Variants in MAPDA observed in about 807,000 individuals in gnomAD.
MAPDA encodes the protein N6-Methyl-AMP deaminase.
chr15:43,330,546 A>G, the MAPDA span: 6 of 1,495,430 alleles, frequency 4.0e-6, no homozygotes, highest in Non-Finnish European at 5.3e-6. Context: ...CCCCTTGGTT[A>G]GCACACACCT....
chr15:43,335,117 G>A, the MAPDA span: 4 of 1,613,816 alleles, frequency 2.5e-6, no homozygotes, highest in South Asian at 1.1e-5. Context: ...AATGATAGAG[G>A]CAGAAGAGCA....
chr15:43,330,425 A>C, the MAPDA span: 1 of 1,562,374 alleles, frequency 6.4e-7, no homozygotes, highest in African/African-American at 1.4e-5. Context: ...ACGCTTGCTG[A>C]GGGCGCTGCT....
chr15:43,330,851 C>T, the MAPDA span: 1 of 186,982 alleles, frequency 5.3e-6, no homozygotes, highest in Non-Finnish European at 1.1e-5. Flanking sequence ...GTTGAGAAAT[C>T]TCTAAGAGGT....
At chr15:43,344,133 A>G in the MAPDA span, among the ~76,000 whole-genome samples, 6 of 152,272 alleles carry the variant, frequency 3.9e-5, no homozygotes, top group South Asian at 1.0e-3. Context: ...AAAGAGCAAT[A>G]TATGTCAAGA....
At chr15:43,346,327 G>A in the MAPDA span, among the ~76,000 whole-genome samples, 68,640 of 152,118 alleles carry the variant, frequency 0.45, 19,624 homozygotes, top group African/African-American at 0.81. Flanking sequence ...GGGCTTAACT[G>A]TCTCATAGAT....
the MAPDA span, chr15:43,340,234 T>C: frequency 1.9e-6 from 3 of 1,591,214 alleles, no homozygotes; most frequent in South Asian, 1.1e-5. Flanking sequence ...CCAAACATTA[T>C]CAATATTGTG....
chr15:43,336,514 A>T, the MAPDA span: 1 of 760,014 alleles, frequency 1.3e-6, no homozygotes, highest in Non-Finnish European at 2.0e-6. Flanking sequence ...TCTATTCTGT[A>T]GTTCTTTGTA....
chr15:43,334,638 TA>T, the MAPDA span, among the ~76,000 whole-genome samples: 2 of 50,572 alleles, frequency 4.0e-5, no homozygotes, highest in Non-Finnish European at 5.9e-5. Context: ...AAAAATTATA[TA>T]TATATATATA....
chr15:43,351,344 A>AT, the MAPDA span: 1 of 325,194 alleles, frequency 3.1e-6, no homozygotes, highest in African/African-American at 2.2e-5. Context: ...AAAAAAAAAA[A>AT]GGGACTGGGA....
chr15:43,350,275 T>C, the MAPDA span, among the ~76,000 whole-genome samples: 1 of 151,388 alleles, frequency 6.6e-6, no homozygotes, highest in African/African-American at 2.4e-5. Context: ...AGATGGGGTT[T>C]CACTGTGTTA....
chr15:43,331,061 G>A, the MAPDA span, among the ~76,000 whole-genome samples: 3 of 152,158 alleles, frequency 2.0e-5, no homozygotes. Context: ...AGTCACTAAG[G>A]CCAGGGTGCA....
chr15:43,332,786 AAGT>A, the MAPDA span, among the ~76,000 whole-genome samples: 3 of 152,100 alleles, frequency 2.0e-5, no homozygotes, highest in African/African-American at 7.2e-5. Context: ...AGCATGAAAA[AAGT>A]TCCCTGGGAG....
chr15:43,351,154 G>A, the MAPDA span: 1 of 1,069,866 alleles, frequency 9.3e-7, no homozygotes, highest in South Asian at 1.4e-5. Flanking sequence ...TGCCCAAGTA[G>A]AGGAGTTAGA....
chr15:43,341,736 CAGAG>C, the MAPDA span, among the ~76,000 whole-genome samples: 2 of 151,982 alleles, frequency 1.3e-5, no homozygotes, highest in African/African-American at 4.8e-5. Flanking sequence ...GCCTGAGCAA[CAGAG>C]AGAGACCTTA....
chr15:43,344,087 G>T, the MAPDA span, among the ~76,000 whole-genome samples: 2 of 152,002 alleles, frequency 1.3e-5, no homozygotes. Flanking sequence ...TTTAAATCCT[G>T]CACTGGTACA....
chr15:43,335,238 A>G, the MAPDA span: 1 of 1,557,196 alleles, frequency 6.4e-7, no homozygotes, highest in South Asian at 1.1e-5. Flanking sequence ...GCTTCTTTTC[A>G]TCAAAGTAAA....
the MAPDA span, among the ~76,000 whole-genome samples, chr15:43,334,400 G>T: frequency 6.6e-6 from 1 of 151,558 alleles, no homozygotes; most frequent in African/African-American, 2.4e-5. Flanking sequence ...GGCTGAGGCG[G>T]GTGGATCACT....
the MAPDA span, chr15:43,336,732 A>G: frequency 6.9e-7 from 1 of 1,439,058 alleles, no homozygotes; most frequent in African/African-American, 1.5e-5. Context: ...ATTATGAAGT[A>G]ATTTCCTTCC....
At chr15:43,335,905 C>A in the MAPDA span, 1 of 1,523,420 alleles carries the variant, frequency 6.6e-7, no homozygotes, top group Non-Finnish European at 8.8e-7. Flanking sequence ...TGTAAGAATT[C>A]AGATTTTGGT....
Sources: allele counts gnomAD v4.1 joint callset (sites outside exome capture counted in the v4.1 genomes callset), GRCh38; gene constraint gnomAD v4.1.1; transcripts MANE v1.5; gene names NCBI Gene and HGNC (gene_info 2026-07-23, HGNC 2026-07-21).